The following LRBA variants were observed in gnomAD, a reference collection of about 807,000 sequenced individuals.
LRBA encodes LPS responsive beige-like anchor protein.
Under a neutral mutation model 330.0 loss-of-function variants are expected in LRBA, and 176 were observed. The ratio of observed to expected loss-of-function variants is 0.53; its 90% confidence interval spans 0.47 to 0.60. LRBA has a LOEUF of 0.60. Among genes scored for constraint, LRBA ranks in the 20% least tolerant of loss-of-function variants. The pLI, the probability that LRBA is intolerant of heterozygous loss-of-function variation, is 0.00. For synonymous variants in LRBA, 1,230 were observed against 1,193.0 expected, an observed-to-expected ratio of 1.03 and a Z score of -0.64; for missense variants, 3,259 against 3,444.8, an observed-to-expected ratio of 0.95 and a Z score of 1.35.
At chr4:150,956,109 A>C (rs1027373948) in intron 2 of LRBA, among the ~76,000 whole-genome samples, 3 of 149,080 alleles carry the variant, frequency 2.0e-5, no homozygotes, top group South Asian at 4.1e-4. Flanking sequence ...ACAACAACAA[A>C]AAAATGAAAT....
chr4:150,587,266 G>A (rs1484010896), intron 40 of LRBA, among the ~76,000 whole-genome samples: 1 of 152,242 alleles, frequency 6.6e-6, no homozygotes, highest in African/African-American at 2.4e-5. Flanking sequence ...ATATGTGTAT[G>A]TATATACATG....
intron 40 of LRBA, among the ~76,000 whole-genome samples, chr4:150,551,373 G>A (rs1461024611): frequency 6.6e-6 from 1 of 152,034 alleles, no homozygotes; most frequent in Non-Finnish European, 1.5e-5. Flanking sequence ...CATATTCAAC[G>A]ACAGCTACAT....
At chr4:150,600,141 G>T (rs1411082055) in intron 37 of LRBA, among the ~76,000 whole-genome samples, 6 of 151,842 alleles carry the variant, frequency 4.0e-5, no homozygotes, top group African/African-American at 1.5e-4. Context: ...TTCAGTTATA[G>T]TAAGAAAAAA....
chr4:150,912,886 T>A (rs1732168094), intron 9 of LRBA, among the ~76,000 whole-genome samples: 1 of 152,104 alleles, frequency 6.6e-6, no homozygotes, highest in Non-Finnish European at 1.5e-5. Flanking sequence ...TCTCGTAAGT[T>A]TTGGTAGGTT....
At chr4:150,455,776 T>G (rs894416601) in intron 44 of LRBA, among the ~76,000 whole-genome samples, 1 of 152,108 alleles carries the variant, frequency 6.6e-6, no homozygotes, top group Non-Finnish European at 1.5e-5. Flanking sequence ...TAATTTTTTT[T>G]TGTACTCATT....
intron 1 of LRBA, 62 bp from the exon 2 acceptor site, chr4:151,014,923 A>T (rs1371844764): frequency 1.1e-5 from 4 of 355,132 alleles, no homozygotes; most frequent in Non-Finnish European, 2.1e-5. Flanking sequence ...TTGAGGGGAC[A>T]AGAGGGAAAT....
chr4:150,697,770 A>G (rs1410514891), intron 36 of LRBA, among the ~76,000 whole-genome samples: 1 of 152,074 alleles, frequency 6.6e-6, no homozygotes, highest in Admixed American at 6.5e-5. Context: ...CTGAATATTA[A>G]CTGGGTTATA....
chr4:150,355,615 G>T (rs931243656), intron 47 of LRBA, among the ~76,000 whole-genome samples: 1 of 151,948 alleles, frequency 6.6e-6, no homozygotes, highest in African/African-American at 2.4e-5. Flanking sequence ...CTTCTAGAAG[G>T]CCCAAGGTAC....
chr4:150,877,618 G>T (rs192459757), intron 17 of LRBA, among the ~76,000 whole-genome samples: 12 of 152,290 alleles, frequency 7.9e-5, no homozygotes, highest in Admixed American at 7.2e-4. Context: ...CATTAGACAT[G>T]CCATGGAGGC....
intron 53 of LRBA, among the ~76,000 whole-genome samples, chr4:150,294,758 T>C (rs1264123265): frequency 6.6e-6 from 1 of 152,186 alleles, no homozygotes. Context: ...GAGACCATCA[T>C]GGCCAACATG....
chr4:150,303,862 C>T (rs959422793), intron 52 of LRBA, among the ~76,000 whole-genome samples: 9 of 150,708 alleles, frequency 6.0e-5, no homozygotes, highest in Non-Finnish European at 1.2e-4. Flanking sequence ...CGTGAGCCAC[C>T]GTGCCCAGCA....
intron 47 of LRBA, among the ~76,000 whole-genome samples, chr4:150,406,696 C>T (rs545377177): frequency 1.3e-5 from 2 of 152,206 alleles, no homozygotes; most frequent in East Asian, 3.9e-4. Flanking sequence ...TACCCCTCAC[C>T]CCCAGGAAGA....
At chr4:150,795,749 A>C (rs985924100) in intron 34 of LRBA, among the ~76,000 whole-genome samples, 2 of 152,000 alleles carry the variant, frequency 1.3e-5, no homozygotes, top group Non-Finnish European at 2.9e-5. Context: ...CAAAACAAAT[A>C]TATAGTGATC....
At chr4:150,803,994 G>A (rs1291359467) in intron 33 of LRBA, among the ~76,000 whole-genome samples, 1 of 151,890 alleles carries the variant, frequency 6.6e-6, no homozygotes, top group Non-Finnish European at 1.5e-5. Flanking sequence ...CTGAGAGGCT[G>A]TATTTAATAC....
At position 150,415,680 on chromosome 4, in the gene LRBA, C is replaced by G; in HGVS notation, c.7042-90G>C. On this transcript the variant is annotated intron_variant, in intron 46 of 56. Transcript: ENST00000651943. ...AAGGACCTGATCATTTTCTATTGTT[C>G]AGAAGAACAAAATAAACACAGGGAA... is the stretch of plus-strand genomic sequence containing the variant. 19 of 761,060 alleles carry G rather than the reference C, an allele frequency of 2.5e-5. No homozygotes were observed. The South Asian group carries it at 3.7e-4, about 15-fold the overall frequency. 47.1% of individuals were successfully genotyped at this position (761,060 alleles called of 1,614,324 possible).
chr4:150,326,360 A>G (rs1032614272), intron 48 of LRBA, among the ~76,000 whole-genome samples: 26 of 152,202 alleles, frequency 1.7e-4, no homozygotes, highest in Non-Finnish European at 4.4e-5. Flanking sequence ...GCTTGATGCT[A>G]TATTAATTTT....
At chr4:150,409,175 T>C (rs1746611675) in intron 47 of LRBA, among the ~76,000 whole-genome samples, 1 of 151,952 alleles carries the variant, frequency 6.6e-6, no homozygotes, top group South Asian at 2.1e-4. Flanking sequence ...GGGAGGATGA[T>C]GTGAAGAGAC....
intron 2 of LRBA, among the ~76,000 whole-genome samples, chr4:150,959,404 G>A (rs978617789): frequency 6.7e-6 from 1 of 149,176 alleles, no homozygotes; most frequent in South Asian, 2.1e-4. Context: ...ATGATAGCTG[G>A]TTCAAGGTCT....
intron 40 of LRBA, chr4:150,579,482 CTTTG>C (rs1289804032): frequency 1.3e-5 from 5 of 382,462 alleles, no homozygotes; most frequent in African/African-American, 1.1e-4. Context: ...TTAAAGTCGC[CTTTG>C]TTTAACTGAT....
Sources: allele counts gnomAD v4.1 joint callset (sites outside exome capture counted in the v4.1 genomes callset), GRCh38; gene constraint gnomAD v4.1.1; transcripts MANE v1.5; gene names NCBI Gene and HGNC (gene_info 2026-07-23, HGNC 2026-07-21).